ARHGAP26: variants seen among roughly 807,000 people sequenced by gnomAD.
The protein encoded by ARHGAP26 is Rho GTPase activating protein 26.
In ARHGAP26, 38 loss-of-function variants were observed where a neutral mutation model predicts 104.8. The ratio of observed to expected loss-of-function variants is 0.36; its 90% confidence interval spans 0.28 to 0.48. The LOEUF (loss-of-function observed/expected upper bound fraction) is 0.48. Ranked by LOEUF, ARHGAP26 falls within the 20% of genes least tolerant of loss-of-function variation. The pLI, the probability that ARHGAP26 is intolerant of heterozygous loss-of-function variation, is 0.99. For synonymous variants in ARHGAP26, 341 were observed against 340.0 expected, an observed-to-expected ratio of 1.00 and a Z score of -0.03; for missense variants, 704 against 947.9, an observed-to-expected ratio of 0.74 and a Z score of 3.38.
intron 1 of ARHGAP26, among the ~76,000 whole-genome samples, chr5:142,842,629 G>A (rs34069423): frequency 0.048 from 7,281 of 152,226 alleles, 242 homozygotes; most frequent in East Asian, 0.11. Flanking sequence ...CTAAAAGTGC[G>A]TAGTAGTAGA....
chr5:142,931,692 T>A (rs1336970208), intron 10 of ARHGAP26, among the ~76,000 whole-genome samples: 1 of 152,216 alleles, frequency 6.6e-6, no homozygotes, highest in African/African-American at 2.4e-5. Flanking sequence ...TTATTGCATT[T>A]CTACCGTGAG....
chr5:142,959,993 G>T (rs1769946029), intron 11 of ARHGAP26, among the ~76,000 whole-genome samples: 1 of 152,248 alleles, frequency 6.6e-6, no homozygotes, highest in South Asian at 2.1e-4. Context: ...CAAGGGCCCA[G>T]TAATAGAAAT....
chr5:143,116,623 C>T (rs1317397806), intron 17 of ARHGAP26, among the ~76,000 whole-genome samples: 1 of 152,212 alleles, frequency 6.6e-6, no homozygotes, highest in Non-Finnish European at 1.5e-5. Flanking sequence ...GGGTTGGCTA[C>T]TGCTATTCCC....
chr5:143,189,953 C>T (rs1398523939), intron 20 of ARHGAP26, among the ~76,000 whole-genome samples: 1 of 148,124 alleles, frequency 6.8e-6, no homozygotes, highest in African/African-American at 2.5e-5. Context: ...GAGTAGTAAA[C>T]AAGGCTAAGG....
chr5:143,002,847 A>G (rs1777384766), intron 11 of ARHGAP26, among the ~76,000 whole-genome samples: 1 of 152,236 alleles, frequency 6.6e-6, no homozygotes, highest in Non-Finnish European at 1.5e-5. Context: ...ATGAAATGCA[A>G]GGAAATTGCA....
chr5:142,781,049 T>C (rs1444902635), intron 1 of ARHGAP26, among the ~76,000 whole-genome samples: 3 of 152,178 alleles, frequency 2.0e-5, no homozygotes, highest in Non-Finnish European at 4.4e-5. Context: ...AGTCCTTGTC[T>C]CCTAGATGCT....
chr5:143,133,851 C>A, intron 18 of ARHGAP26, 116 bp from the exon 19 acceptor site: 1 of 1,023,572 alleles, frequency 9.8e-7, no homozygotes, highest in Non-Finnish European at 1.4e-6. Flanking sequence ...GTGGTCTTCT[C>A]GGATCTTTTC....
intron 1 of ARHGAP26, among the ~76,000 whole-genome samples, chr5:142,861,915 G>C (rs1314959315): frequency 6.6e-6 from 1 of 152,128 alleles, no homozygotes; most frequent in Admixed American, 6.6e-5. Context: ...ACCATACCTT[G>C]TTTTTCTCTT....
chr5:142,772,238 T>C (rs573079656), intron 1 of ARHGAP26, among the ~76,000 whole-genome samples: 23 of 152,324 alleles, frequency 1.5e-4, no homozygotes, highest in African/African-American at 5.5e-4. Flanking sequence ...GCCAATCTTT[T>C]GGGATGAAAT....
At chr5:143,013,986 A>G in intron 11 of ARHGAP26, 94 bp from the exon 12 acceptor site, 1 of 1,282,088 alleles carries the variant, frequency 7.8e-7, no homozygotes, top group Non-Finnish European at 1.1e-6. Flanking sequence ...TCATGGTGCA[A>G]ACTAGGGAAA....
At chr5:142,851,801 G>A (rs1240145360) in intron 1 of ARHGAP26, among the ~76,000 whole-genome samples, 1 of 152,144 alleles carries the variant, frequency 6.6e-6, no homozygotes, top group Admixed American at 6.5e-5. Context: ...CTTTCGGCAT[G>A]GCCTTCTCTT....
chr5:143,085,031 C>G (rs954107736), intron 17 of ARHGAP26, among the ~76,000 whole-genome samples: 2 of 115,476 alleles, frequency 1.7e-5, no homozygotes, highest in Non-Finnish European at 3.3e-5. Context: ...GGCAACAGAG[C>G]AAGACTCCAT....
intron 17 of ARHGAP26, among the ~76,000 whole-genome samples, chr5:143,104,699 G>A (rs1364236217): frequency 1.3e-5 from 2 of 152,036 alleles, no homozygotes; most frequent in East Asian, 1.9e-4. Flanking sequence ...CTAAATTATC[G>A]AATACCCATA....
chr5:142,836,443 T>G (rs1241313616), intron 1 of ARHGAP26, among the ~76,000 whole-genome samples: 1 of 150,242 alleles, frequency 6.7e-6, no homozygotes, highest in Non-Finnish European at 1.5e-5. Context: ...TTACCTGGGC[T>G]AATTAGACCA....
rs549676001 is a variant in ARHGAP26, at chr5:143,073,768, C to T, written c.1538+16021C>T. 2.0e-4 allele frequency among the ~76,000 whole-genome samples: 30 copies of T among 152,262 alleles called. No individual in the cohort carries two copies. The South Asian group carries it at 6.2e-3, about 32-fold the overall frequency. ...CTTAACTTGGGTTTTCTTCTCCTGG[C>T]TTCTTTATTTTTGAATTTTTATGAA... On this transcript the variant is annotated intron_variant, in intron 17 of 22. Coordinates refer to ENST00000645722, the MANE Select transcript of ARHGAP26 (RefSeq NM_001135608.3).
At chr5:143,202,324 A>C (rs1298540557) in intron 20 of ARHGAP26, 1 of 152,074 alleles carries the variant, frequency 6.6e-6, no homozygotes, top group African/African-American at 2.4e-5. Context: ...ATTGCTACAA[A>C]GAGAATAAAA....
At chr5:143,167,999 A>G (rs1802246691) in intron 20 of ARHGAP26, among the ~76,000 whole-genome samples, 1 of 152,238 alleles carries the variant, frequency 6.6e-6, no homozygotes, top group African/African-American at 2.4e-5. Flanking sequence ...TCTAGGTGCT[A>G]CAGGATAAAG....
chr5:143,004,034 A>G (rs1426701425), intron 11 of ARHGAP26, among the ~76,000 whole-genome samples: 3 of 149,798 alleles, frequency 2.0e-5, no homozygotes, highest in Non-Finnish European at 1.5e-5. Flanking sequence ...AAAAAAAAAA[A>G]AAAAGGAAAG....
At chr5:142,818,233 G>A (rs930859763) in intron 1 of ARHGAP26, among the ~76,000 whole-genome samples, 3 of 146,680 alleles carry the variant, frequency 2.0e-5, no homozygotes, top group African/African-American at 7.6e-5. Flanking sequence ...AAAAAAAAAA[G>A]TCACTCTGGT....
Sources: gnomAD v4.1 joint callset for allele counts (sites outside exome capture counted in the v4.1 genomes callset) on GRCh38, gnomAD v4.1.1 for gene constraint, MANE v1.5 for transcripts, NCBI Gene and HGNC (gene_info 2026-07-23, HGNC 2026-07-21) for gene names.